The following GLDC variants were observed in gnomAD, a reference collection of about 807,000 sequenced individuals.
GLDC encodes the protein glycine dehydrogenase (decarboxylating), mitochondrial.
Under a neutral mutation model 121.3 loss-of-function variants are expected in GLDC, and 104 were observed. That is an observed-to-expected ratio of 0.86 (90% CI 0.73 to 1.01). The LOEUF is 1.01. Among genes scored for constraint, GLDC ranks in the 50% least tolerant of loss-of-function variants. GLDC has a pLI of 0.00. For missense variants in GLDC, 1,429 were observed against 1,306.6 expected, an observed-to-expected ratio of 1.09 and a Z score of -1.44; for synonymous variants, 546 against 480.6, an observed-to-expected ratio of 1.14 and a Z score of -1.78.
At position 6,620,389 on chromosome 9, in the gene GLDC, C is replaced by A. The variant is rs568497833; in HGVS notation, c.335-70G>T. On this transcript the variant is annotated intron_variant, in intron 2 of 24. Coordinates refer to ENST00000321612, the MANE Select transcript of GLDC (RefSeq NM_000170.3). Reference sequence around the variant, plus strand: ...AAAGAGCTCTAATTACAGTTTAAATCCCTCATTTTGTTTGAGTATTTATGA... The same window carrying A: ...AAAGAGCTCTAATTACAGTTTAAATACCTCATTTTGTTTGAGTATTTATGA... 1.4e-5 allele frequency: 18 copies of A among 1,326,258 alleles called. No homozygotes were observed. The South Asian group carries it at 1.9e-4, about 14-fold the overall frequency. The allele number at this position is 1,326,258 out of a possible 1,614,324, so 82.2% of individuals were successfully genotyped here.
chr9:6,575,187 C>G (rs2129791658), intron 15 of GLDC, among the ~76,000 whole-genome samples: 1 of 146,344 alleles, frequency 6.8e-6, no homozygotes, highest in Non-Finnish European at 1.5e-5. Flanking sequence ...GCCTGGGCGA[C>G]AGAGTGAGAC....
chr9:6,556,295 T>G lies in GLDC; in HGVS notation c.2060A>C (p.Lys687Thr). ...GATAGCTGCTAGGTTCTCCTTGTGC[T>G]TATCCACCTGTGAAAGAAAAGGGGT... Reference protein sequence around the residue: ...DAVHLKAMVDKHKENLAAIMI... With the variant: ...DAVHLKAMVDTHKENLAAIMI... Residue 687 changes from lysine (K) to threonine (T), a missense_variant, in exon 18 of 25, where the codon AAG (lysine) becomes ACG (threonine). Coordinates refer to ENST00000321612, the MANE Select transcript of GLDC (RefSeq NM_000170.3). 6 of 1,613,532 alleles carry G rather than the reference T, an allele frequency of 3.7e-6. No homozygotes were observed. Among genetic ancestry groups the G allele is most frequent in the Non-Finnish European group, 4.2e-6 (5 of 1,179,442 alleles).
chr9:6,561,714 T>A (rs1215419049), intron 16 of GLDC, among the ~76,000 whole-genome samples: 1 of 152,162 alleles, frequency 6.6e-6, no homozygotes, highest in African/African-American at 2.4e-5. Context: ...GAAGTTTTGG[T>A]TTATCCAAAG....
intron 2 of GLDC, among the ~76,000 whole-genome samples, chr9:6,629,154 T>C (rs1467652961): frequency 6.6e-6 from 1 of 151,988 alleles, no homozygotes; most frequent in Non-Finnish European, 1.5e-5. Flanking sequence ...GCAACAGTTT[T>C]GCACTAACCA....
chr9:6,532,979 A>G lies in GLDC; in HGVS notation c.*38T>C, dbSNP rs189753047. ...CTTGCTTATCAAATGCTCTGGGGAG[A>G]GGCATCAAATCAGTCCTTTAAACTT... On this transcript the variant is annotated 3_prime_UTR_variant, in exon 25 of 25. Transcript: ENST00000321612. 4.8e-6 allele frequency: 7 copies of G among 1,462,058 alleles called. No homozygotes were observed. The African/African-American group carries it at 7.0e-5, about 15-fold the overall frequency. The allele number at this position is 1,462,058 out of a possible 1,614,324, so 90.6% of individuals were successfully genotyped here. A position where few individuals can be genotyped will look rare whatever the true frequency, so the allele number is the denominator to read the frequency against.
At chr9:6,561,440 G>C (rs1003456375) in intron 16 of GLDC, among the ~76,000 whole-genome samples, 2 of 152,142 alleles carry the variant, frequency 1.3e-5, no homozygotes, top group Non-Finnish European at 2.9e-5. Flanking sequence ...CTTGAGGCCA[G>C]GAGTTCAAGA....
At chr9:6,585,894 TCTGTC>T (rs879939777) in intron 15 of GLDC, among the ~76,000 whole-genome samples, 9,346 of 94,344 alleles carry the variant, frequency 0.099, 425 homozygotes, top group African/African-American at 0.17. Context: ...CTATCTATCA[TCTGTC>T]CATCGGTCCA....
At chr9:6,555,696 G>C (rs1338738919) in intron 18 of GLDC, among the ~76,000 whole-genome samples, 1 of 152,186 alleles carries the variant, frequency 6.6e-6, no homozygotes, top group Non-Finnish European at 1.5e-5. Context: ...GGAGGCTGAG[G>C]CAGCAGAACT....
chr9:6,572,894 C>T (rs1359004576), intron 15 of GLDC, among the ~76,000 whole-genome samples: 2 of 152,156 alleles, frequency 1.3e-5, no homozygotes, highest in Non-Finnish European at 2.9e-5. Context: ...TTTCCTACAA[C>T]AAGATCATGT....
At chr9:6,632,839 G>T (rs746144714) in intron 2 of GLDC, among the ~76,000 whole-genome samples, 1 of 152,110 alleles carries the variant, frequency 6.6e-6, no homozygotes, top group Non-Finnish European at 1.5e-5. Context: ...ACATTTCTCT[G>T]TTCCTGCTTC....
intron 2 of GLDC, among the ~76,000 whole-genome samples, chr9:6,629,933 A>ATATATATATGTATATATATATATG (rs1563870140): frequency 1.5e-4 from 13 of 88,660 alleles, no homozygotes; most frequent in African/African-American, 9.3e-4. Flanking sequence ...TTTTCACTAT[A>ATATATATATGTATATATATATATG]TATATATATA....
At chr9:6,605,515 T>C (rs1818712127) in intron 5 of GLDC, 4 of 571,952 alleles carry the variant, frequency 7.0e-6, no homozygotes, top group Non-Finnish European at 1.3e-5. Context: ...CCTTTGCCCT[T>C]TCCTGTCACA....
chr9:6,553,445 C>T lies in GLDC; in HGVS notation c.2380G>A (p.Ala794Thr), dbSNP rs141933811. Residue 794 changes from alanine to threonine, a missense_variant, in exon 20 of 25, where the codon GCC becomes ACC. Transcript: ENST00000321612. ...PVISLKRNED[A>T]CPVGTVSAAP... is the part of the protein sequence containing the mutation. ...GCACTGACGGTTCCCACAGGACAGGCATCCTCATTCCGCTTTAGTGAAATG... is the reference window on the plus strand; with the variant it reads ...GCACTGACGGTTCCCACAGGACAGGTATCCTCATTCCGCTTTAGTGAAATG... 13,465 of 1,613,672 alleles carry T rather than the reference C, an allele frequency of 8.3e-3. 64 individuals are homozygous for T. The highest frequency in any genetic ancestry group is 9.4e-3 in the Non-Finnish European group (11,131 of 1,179,596).
intron 6 of GLDC, 39 bp from the exon 7 acceptor site, chr9:6,604,823 C>A (rs764849649): frequency 7.2e-6 from 11 of 1,537,576 alleles, no homozygotes; most frequent in Admixed American, 3.3e-5. Flanking sequence ...AGGTTGCTAC[C>A]TTTCCCTGAG....
At chr9:6,594,356 T>A (rs1455020155) in intron 9 of GLDC, among the ~76,000 whole-genome samples, 1 of 152,026 alleles carries the variant, frequency 6.6e-6, no homozygotes, top group Non-Finnish European at 1.5e-5. Flanking sequence ...GTTCTACATA[T>A]TAAAAATATC....
intron 21 of GLDC, chr9:6,540,810 C>T (rs976264567): frequency 6.6e-6 from 1 of 152,352 alleles, no homozygotes; most frequent in African/African-American, 2.4e-5. Flanking sequence ...ATGACATATC[C>T]CTTATTTGAA....
At chr9:6,604,450 T>C (rs1563856533) in intron 7 of GLDC, 138 bp downstream of exon 7, 1 of 836,958 alleles carries the variant, frequency 1.2e-6, no homozygotes, top group Non-Finnish European at 1.9e-6. Flanking sequence ...AGAATTGTTC[T>C]TCTGAATCTA....
intron 2 of GLDC, among the ~76,000 whole-genome samples, chr9:6,641,315 T>TC (rs1205002195): frequency 2.0e-5 from 3 of 152,238 alleles, no homozygotes; most frequent in Non-Finnish European, 4.4e-5. Context: ...GCTTGAGTGT[T>TC]CCCACGTCTG....
chr9:6,615,472 C>T (rs1352849468), intron 3 of GLDC, among the ~76,000 whole-genome samples: 3 of 151,490 alleles, frequency 2.0e-5, no homozygotes, highest in African/African-American at 7.3e-5. Flanking sequence ...GTCCCACCTA[C>T]TCAGGAGGCT....
Sources: gnomAD v4.1 joint callset for allele counts (sites outside exome capture counted in the v4.1 genomes callset) on GRCh38, gnomAD v4.1.1 for gene constraint, MANE v1.5 for transcripts, NCBI Gene and HGNC (gene_info 2026-07-23, HGNC 2026-07-21) for gene names.